Variants in CNTNAP4 observed in about 807,000 individuals in gnomAD.
The protein encoded by CNTNAP4 is contactin associated protein family member 4.
CNTNAP4 carries 98 observed loss-of-function variants against 148.4 expected under a neutral mutation model. That is an observed-to-expected ratio of 0.66 (90% CI 0.56 to 0.78). CNTNAP4 has a LOEUF of 0.78. Among genes scored for constraint, CNTNAP4 ranks in the 30% least tolerant of loss-of-function variants. CNTNAP4 has a pLI of 0.00. For missense variants in CNTNAP4, 1,935 were observed against 1,565.6 expected (o/e 1.24, Z -3.98); for synonymous variants, 730 against 565.1 (o/e 1.29, Z -4.14).
At chr16:76,483,723 G>C (rs915872151) in intron 12 of CNTNAP4, among the ~76,000 whole-genome samples, 3 of 152,144 alleles carry the variant, frequency 2.0e-5, no homozygotes, top group African/African-American at 7.2e-5. Flanking sequence ...TTTGTTCATA[G>C]TATGAGAGCT....
intron 12 of CNTNAP4, among the ~76,000 whole-genome samples, chr16:76,487,678 C>T (rs2082075253): frequency 6.6e-6 from 1 of 152,164 alleles, no homozygotes; most frequent in South Asian, 2.1e-4. Context: ...TCTAGATGGC[C>T]TGATAAGTGT....
intron 3 of CNTNAP4, among the ~76,000 whole-genome samples, chr16:76,360,294 A>C (rs2013246382): frequency 6.6e-6 from 1 of 152,208 alleles, no homozygotes; most frequent in Non-Finnish European, 1.5e-5. Flanking sequence ...ATCACCGTGA[A>C]TGATTGAGGT....
In CNTNAP4 at chr16:76,391,309, C is replaced by T. The variant is rs1465520283; in HGVS notation, c.390+35798C>T. 2.6e-5 allele frequency among the ~76,000 whole-genome samples: 4 copies of T among 152,278 alleles called. No homozygotes were observed. The East Asian group carries it at 7.7e-4, about 29-fold the overall frequency. On this transcript the variant is annotated intron_variant, in intron 3 of 23. Coordinates refer to ENST00000611870, the MANE Select transcript of CNTNAP4 (RefSeq NM_033401.5). Reference sequence around the variant, plus strand: ...ACTCAAATGTTCGCATTTGACGTTTCACATCTCTTATTATTTTCTGGGGGA... The same window carrying T: ...ACTCAAATGTTCGCATTTGACGTTTTACATCTCTTATTATTTTCTGGGGGA...
intron 2 of CNTNAP4, among the ~76,000 whole-genome samples, chr16:76,344,476 A>G (rs955609980): frequency 2.6e-5 from 4 of 152,352 alleles, no homozygotes; most frequent in Non-Finnish European, 5.9e-5. Flanking sequence ...GCACCCAAAC[A>G]AAATACTCAT....
At chr16:76,370,592 A>G (rs1010487628) in intron 3 of CNTNAP4, among the ~76,000 whole-genome samples, 2 of 152,130 alleles carry the variant, frequency 1.3e-5, no homozygotes, top group South Asian at 2.1e-4. Context: ...AGTCCACGTC[A>G]CTCAGCCCTC....
chr16:76,369,613 G>A (rs2014561320), intron 3 of CNTNAP4, among the ~76,000 whole-genome samples: 1 of 152,226 alleles, frequency 6.6e-6, no homozygotes, highest in African/African-American at 2.4e-5. Flanking sequence ...AAGCCAAGGT[G>A]GGAGGATTAC....
rs143068905 is a variant in CNTNAP4, at chr16:76,398,876, T to C, written c.391-28576T>C. On this transcript the variant is annotated intron_variant, in intron 3 of 23. Coordinates refer to ENST00000611870, the MANE Select transcript of CNTNAP4 (RefSeq NM_033401.5). ...TATATATTTATCTCACCTTGTGATA[T>C]GGTTTGGCTGTGTCCTCACCCAAAT... Among the ~76,000 whole-genome samples, 679 of 152,280 alleles carry C rather than the reference T, an allele frequency of 4.5e-3. 7 individuals are homozygous for C. The highest frequency in any genetic ancestry group is 0.016 in the East Asian group (84 of 5,174).
intron 1 of CNTNAP4, among the ~76,000 whole-genome samples, chr16:76,312,506 C>T (rs1353620586): frequency 2.6e-5 from 4 of 152,118 alleles, no homozygotes; most frequent in Non-Finnish European, 4.4e-5. Context: ...CATGTTTACT[C>T]CACACTGATT....
chr16:76,401,801 A>T (rs1362117822), intron 3 of CNTNAP4, among the ~76,000 whole-genome samples: 1 of 152,148 alleles, frequency 6.6e-6, no homozygotes, highest in Non-Finnish European at 1.5e-5. Context: ...TGAGATAATC[A>T]TGTGATTTTT....
intron 3 of CNTNAP4, among the ~76,000 whole-genome samples, chr16:76,376,731 G>C (rs2015452145): frequency 6.6e-6 from 1 of 152,162 alleles, no homozygotes; most frequent in Admixed American, 6.5e-5. Context: ...GAATCCACAG[G>C]GATACTGTGA....
intron 2 of CNTNAP4, among the ~76,000 whole-genome samples, chr16:76,341,813 T>C (rs992467948): frequency 6.6e-6 from 1 of 151,508 alleles, no homozygotes; most frequent in East Asian, 1.9e-4. Flanking sequence ...AAAATGAGAG[T>C]TGTGTTAGCT....
rs566672549 is a variant in CNTNAP4 at position 76,290,877 on chromosome 16, G to T, written c.85+13130G>T. On this transcript the variant is annotated intron_variant, in intron 1 of 23. Transcript: ENST00000611870. Reference sequence around the variant, plus strand: ...AAAAGTCCATCAAAATGCCATCTAGGTTGGTTTTTGGTGTAGCCTCTCCTC... The same window carrying T: ...AAAAGTCCATCAAAATGCCATCTAGTTTGGTTTTTGGTGTAGCCTCTCCTC... Among the ~76,000 whole-genome samples, 13 of 152,288 alleles carry T rather than the reference G, an allele frequency of 8.5e-5. No individual in the cohort carries two copies. In the South Asian group the frequency reaches 2.3e-3, roughly 27 times the overall value.
At chr16:76,357,099 T>C (rs2012779530) in intron 3 of CNTNAP4, among the ~76,000 whole-genome samples, 1 of 149,364 alleles carries the variant, frequency 6.7e-6, no homozygotes, top group Non-Finnish European at 1.5e-5. Context: ...CTCCAAACAC[T>C]GGGTATTACG....
intron 1 of CNTNAP4, among the ~76,000 whole-genome samples, chr16:76,314,120 T>C (rs1038213829): frequency 6.6e-6 from 1 of 152,216 alleles, no homozygotes; most frequent in Non-Finnish European, 1.5e-5. Flanking sequence ...AGATAGACGA[T>C]AAATATGTAT....
intron 15 of CNTNAP4, among the ~76,000 whole-genome samples, chr16:76,519,607 A>G (rs2083383287): frequency 1.3e-5 from 2 of 152,236 alleles, no homozygotes; most frequent in South Asian, 4.1e-4. Context: ...ACTTCTAAGA[A>G]TGCAAATGTG....
In CNTNAP4 at chr16:76,355,379, A is replaced by C; in HGVS notation, c.258A>C (p.Gly86=). Residue 86 remains glycine, a synonymous_variant, in exon 3 of 24, where the codon GGA becomes GGC. Coordinates refer to ENST00000611870, the MANE Select transcript of CNTNAP4 (RefSeq NM_033401.5). ...NKYQWLQIDL[G]ERMEVTAVAT... ...ACCAGTGGTTGCAGATTGACCTTGG[A>C]GAGAGAATGGAGGTCACCGCTGTGG... 1 of 1,608,062 alleles carries C rather than the reference A, an allele frequency of 6.2e-7. No homozygotes were observed. Among genetic ancestry groups the C allele is most frequent in the Non-Finnish European group, 8.5e-7 (1 of 1,176,842 alleles).
chr16:76,292,803 A>G (rs1391508110), intron 1 of CNTNAP4, among the ~76,000 whole-genome samples: 1 of 152,214 alleles, frequency 6.6e-6, no homozygotes, highest in African/African-American at 2.4e-5. Context: ...AGGGACAGCA[A>G]CCTATATTTA....
chr16:76,450,404 C>T (rs968597575), intron 7 of CNTNAP4, among the ~76,000 whole-genome samples: 1 of 152,202 alleles, frequency 6.6e-6, no homozygotes, highest in Non-Finnish European at 1.5e-5. Flanking sequence ...CCTGCCTCAG[C>T]CTCCCAAAGT....
intron 3 of CNTNAP4, among the ~76,000 whole-genome samples, chr16:76,399,612 C>G (rs10400970): frequency 0.015 from 2,222 of 152,156 alleles, 41 homozygotes; most frequent in African/African-American, 0.043. Context: ...AGGAAAGAGA[C>G]TAATAGTAGA....
Sources: gnomAD v4.1 joint callset for allele counts (sites outside exome capture counted in the v4.1 genomes callset) on GRCh38, gnomAD v4.1.1 for gene constraint, MANE v1.5 for transcripts, NCBI Gene and HGNC (gene_info 2026-07-23, HGNC 2026-07-21) for gene names.